FGF12: variants seen among roughly 807,000 people sequenced by gnomAD.
FGF12 encodes the protein fibroblast growth factor 12.
In FGF12, 14 loss-of-function variants were observed where a neutral mutation model predicts 23.6. The ratio of observed to expected loss-of-function variants is 0.59; its 90% CI spans 0.39 to 0.93. The LOEUF is 0.93. FGF12 is among the 40% of genes least tolerant of loss of function. The probability of loss-of-function intolerance (pLI) is 0.00; values close to 1 mark genes in which losing one functional copy is unlikely to be tolerated. For synonymous variants in FGF12, 62 were observed against 77.3 expected (o/e 0.80, Z 1.04); for missense variants, 175 against 217.8 (o/e 0.80, Z 1.24).
intron 4 of FGF12, among the ~76,000 whole-genome samples, chr3:192,222,819 T>C (rs1718543707): frequency 6.6e-6 from 1 of 152,158 alleles, no homozygotes; most frequent in African/African-American, 2.4e-5. Context: ...TCATCCTGGC[T>C]CTTTGTAAAT....
rs761511699 is a variant in FGF12, at chr3:192,543,756, C to G, written c.14-183218G>C. ...AATCCTGCCAGGACTGGGTTCTCCCCTTCAAGGCAGTGGATTCCCTTTTGG... is the reference window on the plus strand; with the variant it reads ...AATCCTGCCAGGACTGGGTTCTCCCGTTCAAGGCAGTGGATTCCCTTTTGG... On this transcript the variant is annotated intron_variant, in intron 2 of 5. Transcript: ENST00000445105. Among the ~76,000 whole-genome samples the G allele has an allele frequency of 5.3e-5, 8 of 152,160 alleles. 1 individual carries two copies. The highest frequency in any genetic ancestry group is 1.2e-4 in the Non-Finnish European group (8 of 68,028).
intron 2 of FGF12, among the ~76,000 whole-genome samples, chr3:192,455,083 C>G (rs577056471): frequency 1.9e-4 from 29 of 152,266 alleles, no homozygotes; most frequent in Admixed American, 1.3e-3. Flanking sequence ...AACATCAAAG[C>G]TAAGCCATAA....
chr3:192,389,953 G>A (rs1318075933), intron 2 of FGF12, among the ~76,000 whole-genome samples: 2 of 152,172 alleles, frequency 1.3e-5, no homozygotes, highest in African/African-American at 4.8e-5. Flanking sequence ...TGGCACTATG[G>A]TAACCCAGGT....
chr3:192,408,958 A>G lies in FGF12; in HGVS notation c.14-48420T>C. 1.0e-6 allele frequency: 1 copy of G among 983,848 alleles called. No individual in the cohort carries two copies. The highest frequency in any genetic ancestry group is 6.2e-5 in the Admixed American group (1 of 16,168). 60.9% of individuals were successfully genotyped at this position (983,848 alleles called of 1,614,324 possible). ...AGTTCTGGAATTCCGAGAGGCGCGA[A>G]GTGGGAGCGGTTACCCGGAGTCTGG... On this transcript the variant is annotated intron_variant, in intron 2 of 5. Transcript: ENST00000445105. The surrounding 1 kb of genome is among the most constrained non-coding windows in gnomAD (Gnocchi z 7.3).
At chr3:192,206,865 C>T (rs1368956296) in intron 4 of FGF12, among the ~76,000 whole-genome samples, 2 of 152,046 alleles carry the variant, frequency 1.3e-5, no homozygotes, top group Admixed American at 6.6e-5. Context: ...TCCTGGAGGG[C>T]CCCCTGGAAG....
At chr3:192,686,203 G>C (rs1263949955) in intron 2 of FGF12, among the ~76,000 whole-genome samples, 1 of 152,126 alleles carries the variant, frequency 6.6e-6, no homozygotes, top group East Asian at 1.9e-4. Flanking sequence ...CATCCCACAA[G>C]ACACAGGAGG....
At chr3:192,341,130 A>C (rs1717669058) in intron 3 of FGF12, among the ~76,000 whole-genome samples, 1 of 152,142 alleles carries the variant, frequency 6.6e-6, no homozygotes, top group Non-Finnish European at 1.5e-5. Context: ...AAAACAAATA[A>C]GCCAATTAAA....
At chr3:192,244,983 A>C (rs1719812560) in intron 4 of FGF12, 1 of 152,200 alleles carries the variant, frequency 6.6e-6, no homozygotes, top group African/African-American at 2.4e-5. Context: ...TCCAAGACTC[A>C]TTGCAACTAT....
At chr3:192,692,709 C>CCAA (rs1717981269) in intron 2 of FGF12, among the ~76,000 whole-genome samples, 1 of 126,068 alleles carries the variant, frequency 7.9e-6, no homozygotes. Context: ...CAGACCCTGT[C>CCAA]TAAAAAAAAA....
At chr3:192,335,524 T>G (rs1717359263) in intron 3 of FGF12, 60 bp from the exon 4 acceptor site, 1 of 1,008,578 alleles carries the variant, frequency 9.9e-7, no homozygotes, top group African/African-American at 1.6e-5. Flanking sequence ...ATAATCCTTC[T>G]TATAATCATT....
chr3:192,359,924 T>C (rs1718642424), intron 3 of FGF12, among the ~76,000 whole-genome samples: 1 of 150,654 alleles, frequency 6.6e-6, no homozygotes, highest in African/African-American at 2.4e-5. Context: ...AAATCAGCAA[T>C]TTTGCCTTTA....
intron 2 of FGF12, among the ~76,000 whole-genome samples, chr3:192,449,356 C>T (rs1055987794): frequency 3.3e-5 from 5 of 152,082 alleles, no homozygotes; most frequent in Admixed American, 6.6e-5. Context: ...AATTGTGGTG[C>T]TCACAGACCC....
rs145969892 is a variant in FGF12 at position 192,583,495 on chromosome 3, A to G, written c.13+143686T>C. ...TCAGCCCTTCTGAATTGACAAGAACAGTTTCAAAAACTCAAGACTTGGATA... is the reference window on the plus strand; with the variant it reads ...TCAGCCCTTCTGAATTGACAAGAACGGTTTCAAAAACTCAAGACTTGGATA... On this transcript the variant is annotated intron_variant, in intron 2 of 5. Transcript: ENST00000445105. Among the ~76,000 whole-genome samples, 3 of 152,326 alleles carry G rather than the reference A, an allele frequency of 2.0e-5. No individual in the cohort carries two copies. The East Asian group carries it at 5.8e-4, about 29-fold the overall frequency.
At position 192,181,515 on chromosome 3, in the gene FGF12, A is replaced by G. The variant is rs547066399; in HGVS notation, c.229-10859T>C. 2.5e-4 allele frequency among the ~76,000 whole-genome samples: 38 copies of G among 152,292 alleles called. 1 individual carries two copies. The highest frequency in any genetic ancestry group is 1.5e-3 in the South Asian group (7 of 4,826). On this transcript the variant is annotated intron_variant, in intron 4 of 5. Transcript: ENST00000445105. The stretch of plus-strand genomic sequence containing the variant: ...ACAATGTTTTTTATAAATGTCTAAC[A>G]TACAATATCACAAAACATGGATGCA...
At chr3:192,189,018 C>A (rs1448102135) in intron 4 of FGF12, among the ~76,000 whole-genome samples, 1 of 152,220 alleles carries the variant, frequency 6.6e-6, no homozygotes, top group African/African-American at 2.4e-5. Flanking sequence ...AGGCTCCCCT[C>A]CCTACACATG....
chr3:192,650,670 C>G (rs1390552022), intron 2 of FGF12, among the ~76,000 whole-genome samples: 1 of 152,180 alleles, frequency 6.6e-6, no homozygotes, highest in African/African-American at 2.4e-5. Flanking sequence ...TAGCACAGTT[C>G]CTGGCACACA....
At chr3:192,719,366 T>C (rs2055634) in intron 2 of FGF12, among the ~76,000 whole-genome samples, 53,740 of 152,150 alleles carry the variant, frequency 0.35, 12,037 homozygotes, top group African/African-American at 0.62. Context: ...AGTTGTCTCC[T>C]TCATGTTTAC....
intron 4 of FGF12, among the ~76,000 whole-genome samples, chr3:192,319,292 C>A (rs1275388413): frequency 6.6e-6 from 1 of 151,970 alleles, no homozygotes; most frequent in African/African-American, 2.4e-5. Flanking sequence ...AAAACATGAA[C>A]CTATCAAAAA....
At chr3:192,367,778 C>A (rs1719047313) in intron 2 of FGF12, among the ~76,000 whole-genome samples, 1 of 152,168 alleles carries the variant, frequency 6.6e-6, no homozygotes, top group African/African-American at 2.4e-5. Flanking sequence ...AGACGTGTCA[C>A]TCTAGCCTGG....
Sources: gnomAD v4.1 joint callset for allele counts (sites outside exome capture counted in the v4.1 genomes callset) on GRCh38, gnomAD v4.1.1 for gene constraint, Gnocchi (gnomAD v3.1) non-coding constraint, MANE v1.5 for transcripts, NCBI Gene and HGNC (gene_info 2026-07-23, HGNC 2026-07-21) for gene names.